The following ZZEF1 variants were observed in gnomAD, a reference collection of about 807,000 sequenced individuals.
ZZEF1 encodes zinc finger ZZ-type and EF-hand domain containing 1.
A neutral mutation model predicts 342.8 loss-of-function variants in ZZEF1; 157 were observed. The observed-to-expected ratio is 0.46, with a 90% CI of 0.40 to 0.52. The LOEUF (loss-of-function observed/expected upper bound fraction) is 0.52, where lower values mean the gene tolerates loss of function less well. Ranked by LOEUF, ZZEF1 falls within the 20% of genes least tolerant of loss-of-function variation. ZZEF1 has a pLI of 0.00. For synonymous variants in ZZEF1, 1,505 were observed against 1,429.1 expected, an observed-to-expected ratio of 1.05 and a Z score of -1.20; for missense variants, 3,480 against 3,725.6, an observed-to-expected ratio of 0.93 and a Z score of 1.72.
intron 39 of ZZEF1, among the ~76,000 whole-genome samples, chr17:4,041,847 A>G (rs955793059): frequency 6.6e-6 from 1 of 152,206 alleles, no homozygotes; most frequent in African/African-American, 2.4e-5. Context: ...TCAGCATGAC[A>G]TCTAAATACA....
chr17:4,024,199 T>TC (rs1218149349), intron 43 of ZZEF1, among the ~76,000 whole-genome samples: 20 of 141,602 alleles, frequency 1.4e-4, no homozygotes, highest in South Asian at 2.4e-4. Context: ...TTTTTTTTTT[T>TC]TTTTTTTTTT....
At chr17:4,124,609 ATTTTT>A (rs34282931) in intron 1 of ZZEF1, among the ~76,000 whole-genome samples, 39 of 126,770 alleles carry the variant, frequency 3.1e-4, no homozygotes, top group Non-Finnish European at 3.7e-4. Flanking sequence ...CGCCAAGCTG[ATTTTT>A]TTTTTTTTTT....
chr17:4,019,596 G>T (rs1328571227), intron 46 of ZZEF1, 73 bp downstream of exon 46: 2 of 1,352,132 alleles, frequency 1.5e-6, no homozygotes, highest in African/African-American at 1.5e-5. Context: ...GCTGCTGCCA[G>T]GAGGCGCACA....
At chr17:4,082,126 G>A (rs770149614) in intron 17 of ZZEF1, among the ~76,000 whole-genome samples, 6 of 152,116 alleles carry the variant, frequency 3.9e-5, no homozygotes, top group Admixed American at 2.0e-4. Context: ...TGGTTTTAAC[G>A]TGACACGAAT....
intron 26 of ZZEF1, among the ~76,000 whole-genome samples, chr17:4,069,755 C>T (rs1314538377): frequency 3.9e-5 from 6 of 152,146 alleles, no homozygotes; most frequent in African/African-American, 1.2e-4. Context: ...CGCTTGAACC[C>T]GGGAGGTGGA....
intron 26 of ZZEF1, among the ~76,000 whole-genome samples, chr17:4,069,948 C>T (rs1051360620): frequency 2.0e-5 from 3 of 152,226 alleles, no homozygotes; most frequent in African/African-American, 4.8e-5. Flanking sequence ...CCCTGCCAGG[C>T]GGTTAGGAAG....
At chr17:4,139,321 A>C (rs1397136719) in intron 1 of ZZEF1, among the ~76,000 whole-genome samples, 2 of 152,238 alleles carry the variant, frequency 1.3e-5, no homozygotes, top group Non-Finnish European at 2.9e-5. Flanking sequence ...TTGGGAAGCC[A>C]AAGAAGAAAC....
chr17:4,069,726 G>C (rs1169471079), intron 26 of ZZEF1, among the ~76,000 whole-genome samples: 1 of 152,168 alleles, frequency 6.6e-6, no homozygotes, highest in Non-Finnish European at 1.5e-5. Context: ...AGCTACTCGG[G>C]GGGCTGAGGA....
intron 1 of ZZEF1, among the ~76,000 whole-genome samples, chr17:4,133,336 G>C (rs1463255098): frequency 2.0e-5 from 3 of 152,106 alleles, no homozygotes; most frequent in Non-Finnish European, 4.4e-5. Context: ...CAGGTACCTT[G>C]CCTGAGGTCA....
intron 1 of ZZEF1, among the ~76,000 whole-genome samples, chr17:4,124,782 A>G (rs2058548008): frequency 6.6e-6 from 1 of 152,048 alleles, no homozygotes; most frequent in African/African-American, 2.4e-5. Flanking sequence ...CTCTTTGGAC[A>G]CAAGAGCTAA....
chr17:4,140,455 G>A (rs1245902469), intron 1 of ZZEF1, among the ~76,000 whole-genome samples: 1 of 151,980 alleles, frequency 6.6e-6, no homozygotes, highest in Non-Finnish European at 1.5e-5. Flanking sequence ...CTTCCCCCTC[G>A]GTTAACACTC....
At chr17:4,111,157 A>C (rs1251631539) in intron 5 of ZZEF1, among the ~76,000 whole-genome samples, 1 of 152,166 alleles carries the variant, frequency 6.6e-6, no homozygotes, top group Non-Finnish European at 1.5e-5. Flanking sequence ...ATACAGCTCT[A>C]TTTTTTAGGA....
intron 2 of ZZEF1, among the ~76,000 whole-genome samples, chr17:4,122,441 C>A (rs371080873): frequency 6.6e-6 from 1 of 151,334 alleles, no homozygotes; most frequent in African/African-American, 2.4e-5. Flanking sequence ...TGCAATGGTG[C>A]GATCTCAGCT....
chr17:4,109,757 G>A lies in ZZEF1; in HGVS notation c.1173C>T (p.Val391=). ...FQRVKKSGVS[V]SDASAIWYWS... is the part of the protein sequence containing the mutation. ...AATACCATATTGCAGAAGCATCTGA[G>A]ACTGAGACCCCAGACTTCTTAACTC... The change falls in exon 6 of 55, where the codon GTC becomes GTT. Residue 391 remains valine (V), a synonymous_variant. Coordinates refer to ENST00000381638, the MANE Select transcript of ZZEF1 (RefSeq NM_015113.4). 1 of 1,614,170 alleles carries A rather than the reference G, an allele frequency of 6.2e-7. No homozygotes were observed. Among genetic ancestry groups the A allele is most frequent in the Admixed American group, 1.7e-5 (1 of 60,010 alleles).
chr17:4,133,336 G>T (rs1463255098), intron 1 of ZZEF1, among the ~76,000 whole-genome samples: 1 of 152,106 alleles, frequency 6.6e-6, no homozygotes, highest in African/African-American at 2.4e-5. Flanking sequence ...CAGGTACCTT[G>T]CCTGAGGTCA....
intron 13 of ZZEF1, among the ~76,000 whole-genome samples, chr17:4,087,735 T>C (rs975054691): frequency 2.0e-5 from 3 of 151,976 alleles, no homozygotes; most frequent in Admixed American, 6.6e-5. Context: ...AATATATGTG[T>C]GTGTTATATG....
chr17:4,096,781 A>C, intron 9 of ZZEF1, 81 bp from the exon 10 acceptor site: 1 of 1,121,274 alleles, frequency 8.9e-7, no homozygotes, highest in Non-Finnish European at 1.3e-6. Flanking sequence ...AACAAACCAT[A>C]TCCTTTGAGT....
intron 9 of ZZEF1, among the ~76,000 whole-genome samples, chr17:4,098,694 T>C (rs997488777): frequency 5.9e-5 from 9 of 152,230 alleles, no homozygotes; most frequent in African/African-American, 2.2e-4. Context: ...AATTTCATGC[T>C]TCCTGTTTCA....
Position 4,014,437 on chromosome 17 carries a change from C to G in ZZEF1, c.8224G>C (p.Glu2742Gln). 1 of 1,614,210 alleles carries G rather than the reference C, an allele frequency of 6.2e-7. No homozygotes were observed. Among genetic ancestry groups the G allele is most frequent in the Non-Finnish European group, 8.5e-7 (1 of 1,180,040 alleles). Residue 2742 changes from glutamate (E) to glutamine (Q), a missense_variant, in exon 50 of 55, where the codon GAG (glutamate) becomes CAG (glutamine). By Grantham distance (29) the Glu-to-Gln change is conservative. Coordinates refer to ENST00000381638, the MANE Select transcript of ZZEF1 (RefSeq NM_015113.4). The surrounding 1 kb of genome is among the most constrained non-coding windows in gnomAD (Gnocchi z 4.4). ...SQCNTEEGCD[E>Q]LAMSSSSDFQ... Reference sequence around the variant, plus strand: ...TCACTGCTGCTGGACATGGCTAACTCGTCACAGCCCTCCTCTGTGTTGCAC... The same window carrying G: ...TCACTGCTGCTGGACATGGCTAACTGGTCACAGCCCTCCTCTGTGTTGCAC...
Sources: gnomAD v4.1 joint callset for allele counts (sites outside exome capture counted in the v4.1 genomes callset) on GRCh38, gnomAD v4.1.1 for gene constraint, Gnocchi (gnomAD v3.1) non-coding constraint, MANE v1.5 for transcripts, NCBI Gene and HGNC (gene_info 2026-07-23, HGNC 2026-07-21) for gene names.